The following TEX26 variants were observed in gnomAD, a reference collection of about 807,000 sequenced individuals.
TEX26 encodes testis-expressed protein 26.
TEX26 carries 34 observed loss-of-function variants against 35.3 expected under a neutral mutation model. That is an observed-to-expected ratio of 0.96 (90% CI 0.73 to 1.28). The LOEUF is 1.28. TEX26 is among the 50% of genes most tolerant of loss of function. The pLI is 0.00. For synonymous variants in TEX26, 136 were observed against 111.8 expected (o/e 1.22, Z -1.36); for missense variants, 371 against 330.1 (o/e 1.12, Z -0.96).
rs1445403519 is a variant in TEX26, at chr13:30,952,807, C to A, written c.294C>A (p.His98Gln). 12 of 1,612,846 alleles carry A rather than the reference C, an allele frequency of 7.4e-6. No homozygotes were observed. The highest frequency in any genetic ancestry group is 1.0e-5 in the Non-Finnish European group (12 of 1,179,474). ...KTETSRGIKS[H>Q]KSHLNEDIFL... The stretch of plus-strand genomic sequence containing the variant: ...AGACTTCAAGAGGAATCAAGAGCCA[C>A]AAATCTCATCTCAATGAAGTAAGAT... The change falls in exon 3 of 7, where the codon CAC becomes CAA. Residue 98 changes from histidine to glutamine, a missense_variant. His to Gln is a conservative substitution (Grantham distance 24). Transcript: ENST00000380473.
chr13:30,950,671 C>A (rs1054364552), intron 2 of TEX26, among the ~76,000 whole-genome samples: 3 of 152,146 alleles, frequency 2.0e-5, no homozygotes, highest in Non-Finnish European at 4.4e-5. Flanking sequence ...AAATTCAGAG[C>A]CTCCCCACAC....
chr13:30,975,322 A>T lies in TEX26; in HGVS notation c.*415A>T, dbSNP rs1312921382. On this transcript the variant is annotated 3_prime_UTR_variant, in exon 7 of 7. Coordinates refer to ENST00000380473, the MANE Select transcript of TEX26 (RefSeq NM_152325.3). ...TTAAAAATCTGCTTTTGGGAAATCAATTGCAGTTTTATTTAATGCCATTAA... is the reference window on the plus strand; with the variant it reads ...TTAAAAATCTGCTTTTGGGAAATCATTTGCAGTTTTATTTAATGCCATTAA... The T allele has an allele frequency of 1.3e-5, 2 of 152,978 alleles. No homozygotes were observed. Among genetic ancestry groups the T allele is most frequent in the South Asian group, 4.1e-4 (2 of 4,868 alleles). 9.5% of individuals were successfully genotyped at this position (152,978 alleles called of 1,614,324 possible).
At chr13:30,946,889 A>C (rs979147127) in intron 2 of TEX26, among the ~76,000 whole-genome samples, 1 of 152,132 alleles carries the variant, frequency 6.6e-6, no homozygotes, top group African/African-American at 2.4e-5. Flanking sequence ...ACCTGCCATG[A>C]TCTTTTAAAT....
intron 2 of TEX26, among the ~76,000 whole-genome samples, chr13:30,948,550 G>T (rs2138226299): frequency 6.6e-6 from 1 of 152,326 alleles, no homozygotes; most frequent in Non-Finnish European, 1.5e-5. Flanking sequence ...TTTGAGAAGA[G>T]TCTGTTCATA....
chr13:30,945,574 T>C (rs2138209981), intron 2 of TEX26, among the ~76,000 whole-genome samples: 1 of 152,088 alleles, frequency 6.6e-6, no homozygotes, highest in South Asian at 2.1e-4. Context: ...CTGGTGTATA[T>C]TGACCTTTTG....
At chr13:30,971,054 C>T (rs183949065) in intron 6 of TEX26, among the ~76,000 whole-genome samples, 2 of 152,334 alleles carry the variant, frequency 1.3e-5, no homozygotes, top group East Asian at 3.9e-4. Context: ...CTCTTTGGGG[C>T]TGCCTTGGGC....
intron 2 of TEX26, among the ~76,000 whole-genome samples, chr13:30,952,001 A>ATTTTTTTTTTTTTTTTTTTTT (rs751918742): frequency 7.9e-5 from 4 of 50,714 alleles, no homozygotes; most frequent in African/African-American, 4.0e-4. Context: ...TTATTCTGGG[A>ATTTTTTTTTTTTTTTTTTTTT]TTTTTTTTTT....
chr13:30,954,931 C>T (rs1929806), intron 3 of TEX26, among the ~76,000 whole-genome samples: 105,188 of 152,132 alleles, frequency 0.69, 36,869 homozygotes, highest in Middle Eastern at 0.77. Context: ...GACTGTCCTG[C>T]GTGTTCTCAG....
chr13:30,934,975 T>A (rs1313151774), intron 1 of TEX26, among the ~76,000 whole-genome samples: 2 of 152,176 alleles, frequency 1.3e-5, no homozygotes, highest in Non-Finnish European at 2.9e-5. Context: ...TCCAAGTTGG[T>A]GGGGCAAGAG....
At chr13:30,957,866 G>C (rs144803669) in intron 4 of TEX26, among the ~76,000 whole-genome samples, 1 of 152,246 alleles carries the variant, frequency 6.6e-6, no homozygotes, top group African/African-American at 2.4e-5. Flanking sequence ...ATGAGTGACT[G>C]ACAGATGTCA....
chr13:30,954,453 A>T (rs1954052737), intron 3 of TEX26, among the ~76,000 whole-genome samples: 1 of 149,952 alleles, frequency 6.7e-6, no homozygotes, highest in African/African-American at 2.4e-5. Context: ...ATGTATTATT[A>T]TGTATAATTA....
chr13:30,953,690 A>G (rs182832600), intron 3 of TEX26, among the ~76,000 whole-genome samples: 197 of 152,242 alleles, frequency 1.3e-3, no homozygotes, highest in South Asian at 1.7e-3. Flanking sequence ...TTTCTTCAAG[A>G]CTCACATTAA....
At chr13:30,949,393 A>G (rs1395442719) in intron 2 of TEX26, among the ~76,000 whole-genome samples, 1 of 152,162 alleles carries the variant, frequency 6.6e-6, no homozygotes, top group Admixed American at 6.6e-5. Flanking sequence ...AGTTGGTAAA[A>G]TCAGTCCTTG....
chr13:30,974,081 A>T (rs1954797779), intron 6 of TEX26, among the ~76,000 whole-genome samples: 1 of 145,386 alleles, frequency 6.9e-6, no homozygotes, highest in Non-Finnish European at 1.5e-5. Context: ...AGATCGCACC[A>T]CTGCCCTCCA....
At chr13:30,970,955 T>C (rs1301182920) in intron 6 of TEX26, among the ~76,000 whole-genome samples, 1 of 152,114 alleles carries the variant, frequency 6.6e-6, no homozygotes. Flanking sequence ...TAAGCTAGGG[T>C]TTTGTTTCTT....
At chr13:30,974,501 G>C (rs1254073765) in intron 6 of TEX26, among the ~76,000 whole-genome samples, 2 of 152,124 alleles carry the variant, frequency 1.3e-5, no homozygotes, top group Middle Eastern at 3.2e-3. Context: ...AGCAAGTCCT[G>C]CTGCCTGTAT....
At chr13:30,964,782 G>T (rs368155052) in intron 4 of TEX26, among the ~76,000 whole-genome samples, 1 of 152,192 alleles carries the variant, frequency 6.6e-6, no homozygotes, top group Non-Finnish European at 1.5e-5. Context: ...GGACAAGAGC[G>T]TGAAAGTGAG....
chr13:30,972,281 G>T (rs1954738918), intron 6 of TEX26, among the ~76,000 whole-genome samples: 1 of 152,162 alleles, frequency 6.6e-6, no homozygotes, highest in Non-Finnish European at 1.5e-5. Context: ...ACGAGGAAAT[G>T]AATTTGCATT....
At chr13:30,959,344 A>C (rs943003613) in intron 4 of TEX26, among the ~76,000 whole-genome samples, 2 of 152,106 alleles carry the variant, frequency 1.3e-5, no homozygotes, top group Non-Finnish European at 2.9e-5. Flanking sequence ...TTTTTAAATA[A>C]TTTGCTTCTA....
Sources: gnomAD v4.1 joint callset for allele counts (sites outside exome capture counted in the v4.1 genomes callset) on GRCh38, gnomAD v4.1.1 for gene constraint, MANE v1.5 for transcripts, NCBI Gene and HGNC (gene_info 2026-07-23, HGNC 2026-07-21) for gene names.